MAOB: variants seen among roughly 807,000 people sequenced by gnomAD.
MAOB encodes the protein amine oxidase [flavin-containing] B.
In MAOB, 15 loss-of-function variants were observed where a neutral mutation model predicts 41.9. The observed-to-expected ratio is 0.36, with a 90% CI of 0.24 to 0.55. MAOB has a LOEUF of 0.55. MAOB is among the 20% of genes least tolerant of loss of function. The pLI, the probability that MAOB is intolerant of heterozygous loss-of-function variation, is 0.86. For missense variants in MAOB, 345 were observed against 398.7 expected (o/e 0.87, Z 1.15); for synonymous variants, 167 against 144.2 (o/e 1.16, Z -1.13).
At chrX:43,838,775 T>C in intron 3 of MAOB, 93 bp downstream of exon 3, 1 of 853,212 alleles carries the variant, frequency 1.2e-6, no homozygotes, top group Non-Finnish European at 1.6e-6. Flanking sequence ...CATCCAGAGA[T>C]ATAGAAGATT....
chrX:43,848,792 G>C (rs2035229694), intron 1 of MAOB, among the ~76,000 whole-genome samples: 1 of 111,823 alleles, frequency 8.9e-6, no homozygotes, highest in Non-Finnish European at 1.9e-5. Flanking sequence ...GACCTCAGGT[G>C]ATCTGCCTGC....
intron 1 of MAOB, among the ~76,000 whole-genome samples, chrX:43,854,500 C>T (rs749955358): frequency 4.5e-5 from 5 of 110,676 alleles, no homozygotes; most frequent in South Asian, 3.9e-4. Flanking sequence ...CATCACACAC[C>T]GGGGCCTGTA....
chrX:43,807,398 A>C lies in MAOB; in HGVS notation c.280-3994T>G, dbSNP rs895848808. On this transcript the variant is annotated intron_variant, in intron 3 of 14. Coordinates refer to ENST00000378069, the MANE Select transcript of MAOB (RefSeq NM_000898.5). The stretch of plus-strand genomic sequence containing the variant: ...CAGGAAGTATGCCCAGATTAGCATA[A>C]ACAGTTGGGTTAGGTGGTCTTCTCA... 2.7e-5 allele frequency among the ~76,000 whole-genome samples: 3 copies of C among 112,290 alleles called. No homozygotes were observed. In the Admixed American group the frequency reaches 2.8e-4, roughly 11 times the overall value.
intron 1 of MAOB, among the ~76,000 whole-genome samples, chrX:43,875,206 T>A (rs966288422): frequency 1.5e-4 from 17 of 111,499 alleles, no homozygotes; most frequent in Non-Finnish European, 3.2e-4. Context: ...CTGTTTGCAT[T>A]TTCTCCTAAG....
chrX:43,768,723 T>C lies in MAOB; in HGVS notation c.1348-7A>G. On this transcript the variant is annotated splice_region_variant and splice_polypyrimidine_tract_variant and intron_variant, in intron 13 of 14. Transcript: ENST00000378069. ...TCCCCATGGCATGCAGGATCTGAAA[T>C]GAAAGAACACACTGGCAAATAGCAA... 8.3e-7 allele frequency: 1 copy of C among 1,201,176 alleles called. No individual in the cohort carries two copies. Among genetic ancestry groups the C allele is most frequent in the Non-Finnish European group, 1.1e-6 (1 of 886,152 alleles).
chrX:43,778,636 A>T, intron 11 of MAOB, 46 bp downstream of exon 11: 1 of 1,068,744 alleles, frequency 9.4e-7, no homozygotes, highest in South Asian at 2.0e-5. Flanking sequence ...CTTGGGGACA[A>T]AGAAAGGCCT....
chrX:43,771,434 T>A (rs973125561), intron 12 of MAOB, among the ~76,000 whole-genome samples: 1 of 111,905 alleles, frequency 8.9e-6, no homozygotes, highest in African/African-American at 3.2e-5. Context: ...TTTCCACTTA[T>A]AATATTTTCA....
At chrX:43,868,635 T>C (rs1304043046) in intron 1 of MAOB, among the ~76,000 whole-genome samples, 1 of 111,245 alleles carries the variant, frequency 9.0e-6, no homozygotes, top group African/African-American at 3.3e-5. Flanking sequence ...ATACCCCTTA[T>C]AAGGCCAGGA....
In MAOB at chrX:43,846,065, C is replaced by A. The variant is rs749154957; in HGVS notation, c.47-2301G>T. On this transcript the variant is annotated intron_variant, in intron 1 of 14. Transcript: ENST00000378069. Reference sequence around the variant, plus strand: ...TAACCCCAGTTTCCTAATTTTACCTCCATAAGGAAAAAGAACCACTTCTAT... The same window carrying A: ...TAACCCCAGTTTCCTAATTTTACCTACATAAGGAAAAAGAACCACTTCTAT... Among the ~76,000 whole-genome samples, 9 of 111,944 alleles carry A rather than the reference C, an allele frequency of 8.0e-5. No individual in the cohort carries two copies. In the South Asian group the frequency reaches 3.4e-3, roughly 42 times the overall value.
At chrX:43,873,121 T>C (rs2035418371) in intron 1 of MAOB, among the ~76,000 whole-genome samples, 1 of 112,199 alleles carries the variant, frequency 8.9e-6, no homozygotes, top group African/African-American at 3.2e-5. Context: ...AAAAAGATGC[T>C]TTGCTGGATA....
At chrX:43,819,345 T>A (rs770865305) in intron 3 of MAOB, among the ~76,000 whole-genome samples, 4 of 111,593 alleles carry the variant, frequency 3.6e-5, no homozygotes, top group African/African-American at 9.8e-5. Context: ...GGCACCTCAC[T>A]TCCAATGACT....
At chrX:43,863,879 C>T (rs963234955) in intron 1 of MAOB, among the ~76,000 whole-genome samples, 39 of 111,750 alleles carry the variant, frequency 3.5e-4, no homozygotes, top group African/African-American at 1.1e-3. Context: ...ACTTCAATTA[C>T]AAGCTAATGA....
intron 1 of MAOB, among the ~76,000 whole-genome samples, chrX:43,872,117 T>C (rs1178913262): frequency 1.8e-5 from 2 of 111,837 alleles, no homozygotes; most frequent in Non-Finnish European, 3.8e-5. Flanking sequence ...TAATTAATGA[T>C]GGCAAACTTC....
At chrX:43,849,288 G>T (rs950660475) in intron 1 of MAOB, among the ~76,000 whole-genome samples, 6 of 112,034 alleles carry the variant, frequency 5.4e-5, no homozygotes, top group African/African-American at 9.7e-5. Context: ...GTGCACAAAG[G>T]TCACACAGCT....
rs1188428795 is a variant in MAOB at position 43,789,185 on chromosome X, A to G, written c.928+4234T>C. On this transcript the variant is annotated intron_variant, in intron 8 of 14. Transcript: ENST00000378069. ...GGTCAGATATGGAATTTTCTACTTC[A>G]GACATCATGTCGATGCTTCAAAAGT... is the stretch of plus-strand genomic sequence containing the variant. Among the ~76,000 whole-genome samples, 3 of 112,552 alleles carry G rather than the reference A, an allele frequency of 2.7e-5. 1 individual carries two copies. The Middle Eastern group carries it at 0.014, about 519-fold the overall frequency.
chrX:43,838,119 G>A lies in MAOB; in HGVS notation c.279+749C>T, dbSNP rs766531907. The A allele has an allele frequency of 3.0e-4, 75 of 247,470 alleles. 2 individuals are homozygous for A. Among genetic ancestry groups the A allele is most frequent in the South Asian group, 1.8e-3 (41 of 22,413 alleles). 20.4% of individuals were successfully genotyped at this position (247,470 alleles called of 1,213,427 possible). A position where few individuals can be genotyped will look rare whatever the true frequency, so the allele number is the denominator to read the frequency against. ...TCTGCAAATTTAAGAGCCTTCCCCCGCCCACCAAACCCAAGCAAACTTCAG... is the reference window on the plus strand; with the variant it reads ...TCTGCAAATTTAAGAGCCTTCCCCCACCCACCAAACCCAAGCAAACTTCAG... On this transcript the variant is annotated intron_variant, in intron 3 of 14. Transcript: ENST00000378069.
intron 3 of MAOB, among the ~76,000 whole-genome samples, chrX:43,820,728 T>C (rs1233264311): frequency 1.8e-5 from 2 of 112,185 alleles, no homozygotes; most frequent in African/African-American, 6.5e-5. Context: ...AATGTGAATG[T>C]AAATAGAATA....
chrX:43,799,537 G>T (rs1382006670), intron 5 of MAOB, among the ~76,000 whole-genome samples: 3 of 110,829 alleles, frequency 2.7e-5, no homozygotes, highest in Non-Finnish European at 5.7e-5. Flanking sequence ...AATAATTCTG[G>T]TTTGAAATAA....
chrX:43,875,804 C>A (rs892934431), intron 1 of MAOB, among the ~76,000 whole-genome samples: 1 of 111,163 alleles, frequency 9.0e-6, no homozygotes, highest in Non-Finnish European at 1.9e-5. Flanking sequence ...AACACTCACC[C>A]GCTTTTCAAG....
Sources: allele counts gnomAD v4.1 joint callset (sites outside exome capture counted in the v4.1 genomes callset), GRCh38; gene constraint gnomAD v4.1.1; transcripts MANE v1.5; gene names NCBI Gene and HGNC (gene_info 2026-07-23, HGNC 2026-07-21).